Variants in C10orf90 observed in about 807,000 individuals in gnomAD.
C10orf90 encodes the protein chromosome 10 open reading frame 90, also known as (E2-independent) E3 ubiquitin-conjugating enzyme FATS.
A neutral mutation model predicts 62.5 loss-of-function variants in C10orf90; 56 were observed. The observed-to-expected ratio is 0.90, with a 90% CI of 0.72 to 1.12. The LOEUF is 1.12. C10orf90 is among the 50% of genes most tolerant of loss of function. The pLI, the probability that C10orf90 is intolerant of heterozygous loss-of-function variation, is 0.00. For missense variants in C10orf90, 970 were observed against 880.4 expected, an observed-to-expected ratio of 1.10 and a Z score of -1.29; for synonymous variants, 386 against 340.4, an observed-to-expected ratio of 1.13 and a Z score of -1.47.
At chr10:126,564,491 T>C (rs1030768517) in intron 2 of C10orf90, among the ~76,000 whole-genome samples, 18 of 151,672 alleles carry the variant, frequency 1.2e-4, no homozygotes, top group African/African-American at 4.4e-4. Flanking sequence ...CCAAGCAGCA[T>C]GTAGCCCGAG....
In C10orf90 at chr10:126,459,165, A is replaced by C. The variant is rs777039140; in HGVS notation, c.2063T>G (p.Leu688Arg). The change falls in exon 7 of 10, where the codon CTG becomes CGG. Residue 688 changes from leucine to arginine, a missense_variant. By Grantham distance (102) the Leu-to-Arg change is moderately radical (BLOSUM62 -2). Transcript: ENST00000488181. Reference sequence around the variant, plus strand: ...CTGGACCATGTGTTCAAGCTTCTTCAGCCGTTCTTGTGAGCGAGAAATGAA... The same window carrying C: ...CTGGACCATGTGTTCAAGCTTCTTCCGCCGTTCTTGTGAGCGAGAAATGAA... ...PQFISRSQER[L>R]KKLEHMVQQR... 2.8e-5 allele frequency: 45 copies of C among 1,614,068 alleles called. No homozygotes were observed. Among genetic ancestry groups the C allele is most frequent in the Non-Finnish European group, 3.6e-5 (42 of 1,180,058 alleles).
chr10:126,585,455 A>AGAAG (rs1429315975), intron 2 of C10orf90, among the ~76,000 whole-genome samples: 1 of 151,066 alleles, frequency 6.6e-6, no homozygotes, highest in Non-Finnish European at 1.5e-5. Flanking sequence ...AAAGGAGGGA[A>AGAAG]GAAGGAAGGA....
At chr10:126,490,442 G>A (rs1343296830) in intron 4 of C10orf90, among the ~76,000 whole-genome samples, 1 of 151,620 alleles carries the variant, frequency 6.6e-6, no homozygotes. Flanking sequence ...GTTTAATGGG[G>A]AGTTAGTGTT....
intron 1 of C10orf90, among the ~76,000 whole-genome samples, chr10:126,654,094 T>C (rs1437872712): frequency 6.6e-6 from 1 of 152,178 alleles, no homozygotes; most frequent in African/African-American, 2.4e-5. Context: ...AGAGTAGATT[T>C]AGCACTATTC....
At chr10:126,636,957 G>A (rs763429902) in intron 2 of C10orf90, among the ~76,000 whole-genome samples, 1 of 152,246 alleles carries the variant, frequency 6.6e-6, no homozygotes, top group East Asian at 1.9e-4. Context: ...CTTGGAAGGA[G>A]TGTGTGACTT....
intron 2 of C10orf90, among the ~76,000 whole-genome samples, chr10:126,623,107 C>G (rs1442417972): frequency 6.6e-6 from 1 of 152,168 alleles, no homozygotes; most frequent in Non-Finnish European, 1.5e-5. Flanking sequence ...GTCGGATGAG[C>G]TCACAGCTGC....
intron 1 of C10orf90, among the ~76,000 whole-genome samples, chr10:126,655,807 T>C (rs1765068690): frequency 6.7e-6 from 1 of 149,712 alleles, no homozygotes; most frequent in African/African-American, 2.5e-5. Context: ...GTTTTTCTTC[T>C]TTCAAAGCAA....
At chr10:126,549,409 A>G (rs1864576874) in intron 2 of C10orf90, among the ~76,000 whole-genome samples, 2 of 152,248 alleles carry the variant, frequency 1.3e-5, no homozygotes, top group South Asian at 4.1e-4. Context: ...GCATATGAAA[A>G]GATGTCCAGC....
intron 2 of C10orf90, among the ~76,000 whole-genome samples, chr10:126,552,043 T>C (rs1864645341): frequency 6.6e-6 from 1 of 152,172 alleles, no homozygotes; most frequent in African/African-American, 2.4e-5. Flanking sequence ...CTAGAAGAAC[T>C]AGGTTGTCAA....
chr10:126,438,141 G>C (rs1858041210), intron 7 of C10orf90, among the ~76,000 whole-genome samples: 1 of 152,168 alleles, frequency 6.6e-6, no homozygotes, highest in South Asian at 2.1e-4. Flanking sequence ...GCATTGTTAG[G>C]CAAGCTTCCT....
At chr10:126,511,405 G>A (rs10751557) in intron 3 of C10orf90, among the ~76,000 whole-genome samples, 132,830 of 152,184 alleles carry the variant, frequency 0.87, 58,023 homozygotes, top group Middle Eastern at 0.94. Flanking sequence ...ATTTTTAAGT[G>A]TACAACTTGG....
Position 126,567,024 on chromosome 10 carries a change from G to A in C10orf90, c.314-53085C>T, listed in dbSNP as rs545009246. 2.0e-5 allele frequency among the ~76,000 whole-genome samples: 3 copies of A among 152,310 alleles called. No individual in the cohort carries two copies. The South Asian group carries it at 6.2e-4, about 32-fold the overall frequency. ...TATTACCCACCAAAGGTGGCCCTGG[G>A]TGGGCCATTGCCTGTGAACATGGAG... On this transcript the variant is annotated intron_variant, in intron 2 of 9. Transcript: ENST00000488181.
intron 2 of C10orf90, among the ~76,000 whole-genome samples, chr10:126,544,542 AG>A (rs1050391794): frequency 3.9e-4 from 59 of 151,544 alleles, no homozygotes; most frequent in African/African-American, 1.3e-3. Context: ...TGCATGTGAG[AG>A]GTTTTTTTTT....
chr10:126,642,006 C>T (rs191901474), intron 2 of C10orf90, among the ~76,000 whole-genome samples: 372 of 152,254 alleles, frequency 2.4e-3, no homozygotes, highest in Non-Finnish European at 4.4e-3. Context: ...ACATTCAATT[C>T]TGATTTCCTG....
At chr10:126,430,667 C>T (rs564754135) in intron 7 of C10orf90, among the ~76,000 whole-genome samples, 11 of 152,204 alleles carry the variant, frequency 7.2e-5, no homozygotes, top group Admixed American at 4.6e-4. Context: ...CAGCAACTGC[C>T]GTGCTTCCTA....
intron 2 of C10orf90, among the ~76,000 whole-genome samples, chr10:126,539,004 T>C (rs1184087141): frequency 1.3e-5 from 2 of 152,216 alleles, no homozygotes; most frequent in African/African-American, 4.8e-5. Flanking sequence ...TTCTGCTGCA[T>C]AAAGCTGGGC....
intron 7 of C10orf90, among the ~76,000 whole-genome samples, chr10:126,455,265 A>G (rs994870142): frequency 6.6e-6 from 1 of 151,952 alleles, no homozygotes; most frequent in Admixed American, 6.5e-5. Context: ...CCATCCAATC[A>G]TAGCTAAACT....
At chr10:126,628,596 G>A (rs1845793033) in intron 2 of C10orf90, among the ~76,000 whole-genome samples, 1 of 152,192 alleles carries the variant, frequency 6.6e-6, no homozygotes, top group Non-Finnish European at 1.5e-5. Flanking sequence ...CTAGAGGTCA[G>A]GCTCCCCAAT....
chr10:126,466,128 A>AC (rs1030407447), intron 4 of C10orf90, among the ~76,000 whole-genome samples: 4 of 151,660 alleles, frequency 2.6e-5, no homozygotes, highest in Admixed American at 1.3e-4. Context: ...CATGTTTTCA[A>AC]CCCCCCATGC....
Sources: gnomAD v4.1 joint callset for allele counts (sites outside exome capture counted in the v4.1 genomes callset) on GRCh38, gnomAD v4.1.1 for gene constraint, MANE v1.5 for transcripts, NCBI Gene and HGNC (gene_info 2026-07-23, HGNC 2026-07-21) for gene names.